BMPR1B: variants seen among roughly 807,000 people sequenced by gnomAD.
BMPR1B encodes bone morphogenetic protein receptor type-1B.
In BMPR1B, 12 loss-of-function variants were observed where a neutral mutation model predicts 59.1. The ratio of observed to expected loss-of-function variants is 0.20; its 90% CI spans 0.13 to 0.33. The LOEUF is 0.33. Ranked by LOEUF, BMPR1B falls within the 10% of genes least tolerant of loss-of-function variation. The pLI, the probability that BMPR1B is intolerant of heterozygous loss-of-function variation, is 1.00. For missense variants in BMPR1B, 550 were observed against 610.9 expected (o/e 0.90, Z 1.05); for synonymous variants, 237 against 207.3 (o/e 1.14, Z -1.23).
chr4:95,039,740 T>C (rs1472459770), intron 3 of BMPR1B, among the ~76,000 whole-genome samples: 6 of 152,152 alleles, frequency 3.9e-5, no homozygotes, highest in African/African-American at 1.4e-4. Context: ...TTGTAAACTT[T>C]CTTAAAACAT....
chr4:94,871,273 C>G (rs1031147451), intron 1 of BMPR1B, among the ~76,000 whole-genome samples: 1 of 152,106 alleles, frequency 6.6e-6, no homozygotes, highest in African/African-American at 2.4e-5. Context: ...ATTAAATAAG[C>G]TAATGCGTAC....
intron 3 of BMPR1B, among the ~76,000 whole-genome samples, chr4:95,008,871 A>T (rs1334303710): frequency 1.3e-5 from 2 of 152,170 alleles, no homozygotes; most frequent in Non-Finnish European, 2.9e-5. Flanking sequence ...GAACCTCATT[A>T]ATAATTAAAG....
At chr4:94,966,763 CTTTAA>C (rs1246309183) in intron 2 of BMPR1B, among the ~76,000 whole-genome samples, 1 of 151,966 alleles carries the variant, frequency 6.6e-6, no homozygotes, top group African/African-American at 2.4e-5. Context: ...ATTTTACTGG[CTTTAA>C]TTTAAACTAC....
intron 1 of BMPR1B, among the ~76,000 whole-genome samples, chr4:94,790,866 T>A (rs1043654718): frequency 6.6e-6 from 1 of 152,200 alleles, no homozygotes; most frequent in African/African-American, 2.4e-5. Context: ...GACATCTGTT[T>A]TATAGTTCTA....
At chr4:94,968,358 T>C (rs3796426) in intron 2 of BMPR1B, among the ~76,000 whole-genome samples, 4,765 of 152,136 alleles carry the variant, frequency 0.031, 118 homozygotes, top group African/African-American at 0.065. Flanking sequence ...TTTGTTGTTG[T>C]TGTTTTTTTT....
chr4:94,909,075 G>A (rs367641330), intron 2 of BMPR1B, among the ~76,000 whole-genome samples: 1 of 151,904 alleles, frequency 6.6e-6, no homozygotes, highest in African/African-American at 2.4e-5. Context: ...TTTGGTTTGT[G>A]GCTGCATCAC....
At chr4:95,054,135 G>C (rs1255543535) in intron 3 of BMPR1B, among the ~76,000 whole-genome samples, 1 of 152,128 alleles carries the variant, frequency 6.6e-6, no homozygotes, top group Non-Finnish European at 1.5e-5. Context: ...TGAGCATCAG[G>C]TGCATAAAAA....
At chr4:94,885,745 T>A (rs1369376547) in intron 2 of BMPR1B, among the ~76,000 whole-genome samples, 1 of 152,178 alleles carries the variant, frequency 6.6e-6, no homozygotes, top group Admixed American at 6.5e-5. Flanking sequence ...AATCTAATTA[T>A]TTAATATAAT....
Position 95,078,422 on chromosome 4 carries a change from G to T in BMPR1B, c.-17-25986G>T, listed in dbSNP as rs576960711. 2.0e-5 allele frequency among the ~76,000 whole-genome samples: 3 copies of T among 152,224 alleles called. No individual in the cohort carries two copies. In the South Asian group the frequency reaches 6.2e-4, roughly 32 times the overall value. On this transcript the variant is annotated intron_variant, in intron 3 of 12. Transcript: ENST00000515059. The stretch of plus-strand genomic sequence containing the variant: ...TAAATGAATAGAACTAACATTTATT[G>T]GTCATTTACTGTATCTCAGGCACTG...
rs187030733 is a variant in BMPR1B at position 94,919,151 on chromosome 4, C to G, written c.-113+43251C>G. On this transcript the variant is annotated intron_variant, in intron 2 of 12. Coordinates refer to ENST00000515059, the MANE Select transcript of BMPR1B (RefSeq NM_001203.3). The stretch of plus-strand genomic sequence containing the variant: ...ACCAACTCTTTCAACATGGCTGTAC[C>G]TTTCAGTGTTATGTTCTGAATCTCT... 3.1e-3 allele frequency among the ~76,000 whole-genome samples: 475 copies of G among 152,242 alleles called. 1 individual carries two copies. Among genetic ancestry groups the G allele is most frequent in the African/African-American group, 0.011 (459 of 41,546 alleles).
intron 2 of BMPR1B, among the ~76,000 whole-genome samples, chr4:94,878,348 T>C (rs1181397953): frequency 6.6e-6 from 1 of 152,208 alleles, no homozygotes; most frequent in Non-Finnish European, 1.5e-5. Context: ...TAGCATCTCA[T>C]CTAAACATTT....
At chr4:94,828,003 A>G (rs1724445149) in intron 1 of BMPR1B, among the ~76,000 whole-genome samples, 1 of 152,180 alleles carries the variant, frequency 6.6e-6, no homozygotes, top group Admixed American at 6.5e-5. Flanking sequence ...GTTTCACACA[A>G]GGTGTTTGTA....
chr4:94,862,221 G>A (rs529544322), intron 1 of BMPR1B, among the ~76,000 whole-genome samples: 105 of 151,822 alleles, frequency 6.9e-4, no homozygotes, highest in Non-Finnish European at 1.4e-3. Flanking sequence ...CACGGTCTTG[G>A]CTCACTGCAG....
intron 2 of BMPR1B, among the ~76,000 whole-genome samples, chr4:94,940,781 G>T (rs1339919864): frequency 6.6e-6 from 1 of 152,120 alleles, no homozygotes; most frequent in African/African-American, 2.4e-5. Context: ...CCAGAATAGA[G>T]CCCCGAAATT....
At chr4:95,016,734 C>T (rs549196231) in intron 3 of BMPR1B, among the ~76,000 whole-genome samples, 1 of 152,198 alleles carries the variant, frequency 6.6e-6, no homozygotes. Context: ...GAACTGCAGA[C>T]CATATGTCAA....
chr4:94,807,977 C>T (rs1170978043), intron 1 of BMPR1B, among the ~76,000 whole-genome samples: 1 of 152,122 alleles, frequency 6.6e-6, no homozygotes, highest in Non-Finnish European at 1.5e-5. Flanking sequence ...GGTGAGCCAC[C>T]ATGCTGGCCT....
rs895908606 is a variant in BMPR1B, at chr4:94,926,543, C to T, written c.-113+50643C>T. ...CATTTTGAATGGATACTCTGGGGAC[C>T]TTTCTTAATTTGTTTCTCTCACAAA... On this transcript the variant is annotated intron_variant, in intron 2 of 12. Transcript: ENST00000515059. Among the ~76,000 whole-genome samples, 4 of 152,072 alleles carry T rather than the reference C, an allele frequency of 2.6e-5. No individual in the cohort carries two copies. The South Asian group carries it at 8.3e-4, about 31-fold the overall frequency.
intron 3 of BMPR1B, among the ~76,000 whole-genome samples, chr4:95,027,490 G>A (rs1415886675): frequency 1.3e-5 from 2 of 152,080 alleles, no homozygotes; most frequent in South Asian, 2.1e-4. Context: ...GATAAATGCC[G>A]AGCCATCATG....
At chr4:95,055,747 TTTA>T (rs1726877428) in intron 3 of BMPR1B, among the ~76,000 whole-genome samples, 1 of 152,200 alleles carries the variant, frequency 6.6e-6, no homozygotes, top group Non-Finnish European at 1.5e-5. Context: ...TTCACCTTTT[TTTA>T]TTATTTTCAA....
Sources: allele counts gnomAD v4.1 joint callset (sites outside exome capture counted in the v4.1 genomes callset), GRCh38; gene constraint gnomAD v4.1.1; transcripts MANE v1.5; gene names NCBI Gene and HGNC (gene_info 2026-07-23, HGNC 2026-07-21).